MCTP1: variants seen among roughly 807,000 people sequenced by gnomAD.
MCTP1 encodes the protein multiple C2 and transmembrane domain-containing protein 1.
Under a neutral mutation model 120.6 loss-of-function variants are expected in MCTP1, and 69 were observed. That is an observed-to-expected ratio of 0.57 (90% CI 0.47 to 0.70). The LOEUF is 0.70. Among genes scored for constraint, MCTP1 ranks in the 30% least tolerant of loss-of-function variants. MCTP1 has a pLI of 0.00. For synonymous variants in MCTP1, 529 were observed against 493.1 expected (o/e 1.07, Z -0.96); for missense variants, 1,203 against 1,248.8 (o/e 0.96, Z 0.55).
chr5:95,102,642 T>A (rs967954748), intron 1 of MCTP1, among the ~76,000 whole-genome samples: 13 of 152,188 alleles, frequency 8.5e-5, no homozygotes, highest in Admixed American at 7.2e-4. Flanking sequence ...ACCCAGGGAC[T>A]AGCAGAAGAG....
intron 19 of MCTP1, among the ~76,000 whole-genome samples, chr5:94,760,933 T>C (rs255335): frequency 0.9 from 137,087 of 152,180 alleles, 62,074 homozygotes; most frequent in African/African-American, 0.95. Context: ...AATTATCTCG[T>C]CTCAGCCTCC....
At chr5:95,215,036 T>A (rs1189075482) in intron 1 of MCTP1, among the ~76,000 whole-genome samples, 3 of 152,134 alleles carry the variant, frequency 2.0e-5, no homozygotes, top group African/African-American at 4.8e-5. Flanking sequence ...GTCTCAAACA[T>A]CTCAGATCAA....
At chr5:95,154,929 T>C (rs151320376) in intron 1 of MCTP1, among the ~76,000 whole-genome samples, 75 of 152,204 alleles carry the variant, frequency 4.9e-4, no homozygotes, top group African/African-American at 1.8e-3. Context: ...AAGGAAAAAC[T>C]GATTAAGGAG....
At chr5:94,957,445 T>C (rs1005366246) in intron 2 of MCTP1, among the ~76,000 whole-genome samples, 1 of 152,102 alleles carries the variant, frequency 6.6e-6, no homozygotes, top group Non-Finnish European at 1.5e-5. Flanking sequence ...ATGGGCTAAA[T>C]GCCCCAATTA....
chr5:94,766,568 T>A (rs1772779331), intron 19 of MCTP1, among the ~76,000 whole-genome samples: 1 of 151,966 alleles, frequency 6.6e-6, no homozygotes, highest in African/African-American at 2.4e-5. Flanking sequence ...ATATACCTAA[T>A]GCTAAATGAC....
chr5:94,774,286 G>A (rs1206224034), intron 19 of MCTP1, among the ~76,000 whole-genome samples: 1 of 145,550 alleles, frequency 6.9e-6, no homozygotes, highest in Non-Finnish European at 1.5e-5. Flanking sequence ...GTGTTCTGTG[G>A]CACAATTGCC....
chr5:95,270,427 C>T lies in MCTP1; in HGVS notation c.720+13429G>A, dbSNP rs115203176. 7.3e-3 allele frequency among the ~76,000 whole-genome samples: 1,112 copies of T among 152,228 alleles called. 7 individuals are homozygous for T. Among genetic ancestry groups the T allele is most frequent in the African/African-American group, 0.026 (1,069 of 41,556 alleles). ...ATATATACAACACTTAGAATAGTGC[C>T]TTATACATAATAAATGTTACATATG... On this transcript the variant is annotated intron_variant, in intron 1 of 22. Coordinates refer to ENST00000515393, the MANE Select transcript of MCTP1 (RefSeq NM_024717.7).
intron 1 of MCTP1, among the ~76,000 whole-genome samples, chr5:95,278,822 C>T (rs918803441): frequency 2.0e-5 from 3 of 151,938 alleles, no homozygotes; most frequent in African/African-American, 7.3e-5. Context: ...ATTAGCCAGG[C>T]GTGGTGGCAC....
chr5:95,284,287 G>T lies in MCTP1; in HGVS notation c.289C>A (p.Pro97Thr), dbSNP rs1198078847. 1 of 1,596,976 alleles carries T rather than the reference G, an allele frequency of 6.3e-7. No homozygotes were observed. Among genetic ancestry groups the T allele is most frequent in the East Asian group, 2.2e-5 (1 of 44,582 alleles). ...TCCGGCGACGAGCAGCACAGGTTGG[G>T]CTGCGAGGAGGAGAAGACTCGGTCC... ...VLDRVFSSSQ[P>T]NLCCSSPEPL... Residue 97 changes from proline to threonine, a missense_variant, in exon 1 of 23, where the codon CCC (proline) becomes ACC (threonine). Physicochemically the swap from Pro to Thr is conservative, Grantham distance 38 (BLOSUM62 -1). This residue lies in a region of MCTP1 where 463 missense variants were observed against 377.8 expected (regional missense o/e 1.23). Transcript: ENST00000515393. The surrounding 1 kb of genome is among the most constrained non-coding windows in gnomAD (Gnocchi z 5.2).
At chr5:94,772,328 T>C (rs896472787) in intron 19 of MCTP1, among the ~76,000 whole-genome samples, 1 of 152,196 alleles carries the variant, frequency 6.6e-6, no homozygotes, top group African/African-American at 2.4e-5. Context: ...GGGAGAGCTC[T>C]ACCTTTAGGT....
chr5:94,861,440 C>A (rs753585515), intron 17 of MCTP1, among the ~76,000 whole-genome samples: 3 of 151,714 alleles, frequency 2.0e-5, no homozygotes, highest in African/African-American at 7.3e-5. Context: ...CCTGATAGAA[C>A]GGGGAATGAA....
chr5:94,805,160 T>G (rs1782029346), intron 17 of MCTP1, among the ~76,000 whole-genome samples: 2 of 152,224 alleles, frequency 1.3e-5, no homozygotes, highest in Non-Finnish European at 2.9e-5. Context: ...TTTGTTCATT[T>G]TTAAATTCAA....
At chr5:95,221,302 T>A (rs1358355682) in intron 1 of MCTP1, among the ~76,000 whole-genome samples, 1 of 152,240 alleles carries the variant, frequency 6.6e-6, no homozygotes, top group Non-Finnish European at 1.5e-5. Context: ...AACACAGAGT[T>A]CCATTTAGGA....
intron 1 of MCTP1, among the ~76,000 whole-genome samples, chr5:95,203,443 A>G (rs1446127238): frequency 6.6e-6 from 1 of 152,224 alleles, no homozygotes; most frequent in Admixed American, 6.5e-5. Flanking sequence ...GAGTGTCTCT[A>G]TGCTGGGCAA....
At position 95,018,682 on chromosome 5, in the gene MCTP1, T is replaced by G. The variant is rs377558565; in HGVS notation, c.721-1198A>C. Among the ~76,000 whole-genome samples the G allele has an allele frequency of 8.5e-5, 13 of 152,178 alleles. No homozygotes were observed. In the South Asian group the frequency reaches 2.7e-3, roughly 32 times the overall value. On this transcript the variant is annotated intron_variant, in intron 1 of 22. Transcript: ENST00000515393. ...TGATATCCTTGTTTCTATAAATGAT[T>G]CCTCAGTCACTCAGCCTAGAAATCG...
At chr5:94,783,899 T>C (rs2152955845) in intron 18 of MCTP1, among the ~76,000 whole-genome samples, 1 of 152,244 alleles carries the variant, frequency 6.6e-6, no homozygotes, top group Admixed American at 6.5e-5. Context: ...CCAGTGCTGA[T>C]ACAAACCAGT....
intron 1 of MCTP1, among the ~76,000 whole-genome samples, chr5:95,243,238 AT>A (rs1756370753): frequency 1.3e-5 from 2 of 152,374 alleles, no homozygotes; most frequent in African/African-American, 4.8e-5. Flanking sequence ...AGAGGGAAAT[AT>A]AAAATTGGAA....
chr5:94,877,236 T>C (rs1289619170), intron 12 of MCTP1, among the ~76,000 whole-genome samples: 1 of 152,142 alleles, frequency 6.6e-6, no homozygotes, highest in Non-Finnish European at 1.5e-5. Flanking sequence ...AATATTTTGC[T>C]TAAATGTATT....
intron 1 of MCTP1, among the ~76,000 whole-genome samples, chr5:95,146,125 T>C (rs331561): frequency 6.6e-6 from 1 of 151,990 alleles, no homozygotes; most frequent in African/African-American, 2.4e-5. Flanking sequence ...GGGAGATTAT[T>C]TGTTTCCAAG....
Sources: gnomAD v4.1 joint callset for allele counts (sites outside exome capture counted in the v4.1 genomes callset) on GRCh38, gnomAD v4.1.1 for gene constraint, gnomAD v4.1.1 regional missense constraint, Gnocchi (gnomAD v3.1) non-coding constraint, MANE v1.5 for transcripts, NCBI Gene and HGNC (gene_info 2026-07-23, HGNC 2026-07-21) for gene names.